The following CRTAC1 variants were observed in gnomAD, a reference collection of about 807,000 sequenced individuals.
CRTAC1 encodes the protein cartilage acidic protein 1.
In CRTAC1, 37 loss-of-function variants were observed where a neutral mutation model predicts 67.8. The ratio of observed to expected loss-of-function variants is 0.55; its 90% CI spans 0.42 to 0.72. CRTAC1 has a LOEUF of 0.72. Among genes scored for constraint, CRTAC1 ranks in the 30% least tolerant of loss-of-function variants. The probability of loss-of-function intolerance (pLI) is 0.00; values close to 1 mark genes in which losing one functional copy is unlikely to be tolerated. For missense variants in CRTAC1, 780 were observed against 931.6 expected (o/e 0.84, Z 2.12); for synonymous variants, 348 against 371.0 (o/e 0.94, Z 0.71).
At chr10:97,972,411 G>C (rs1291885881) in intron 2 of CRTAC1, among the ~76,000 whole-genome samples, 1 of 152,160 alleles carries the variant, frequency 6.6e-6, no homozygotes, top group Non-Finnish European at 1.5e-5. Context: ...AGGAAAGCAG[G>C]GAGCCCGGTC....
intron 2 of CRTAC1, among the ~76,000 whole-genome samples, chr10:97,994,139 G>A (rs1842512761): frequency 1.3e-5 from 2 of 152,162 alleles, no homozygotes; most frequent in Admixed American, 1.3e-4. Flanking sequence ...TTACAGGCAT[G>A]AGCCACCGCG....
rs1168396369 is a variant in CRTAC1 at position 97,996,366 on chromosome 10, T to C, written c.224+14772A>G. Among the ~76,000 whole-genome samples, 9 of 149,818 alleles carry C rather than the reference T, an allele frequency of 6.0e-5. No individual in the cohort carries two copies. The South Asian group carries it at 1.1e-3, about 18-fold the overall frequency. On this transcript the variant is annotated intron_variant, in intron 2 of 14. Coordinates refer to ENST00000370597, the MANE Select transcript of CRTAC1 (RefSeq NM_018058.7). Reference sequence around the variant, plus strand: ...AAGGGCTAATATCCAGAATCTACAATGAACTCAAACAAATTTACAAGAAAA... The same window carrying C: ...AAGGGCTAATATCCAGAATCTACAACGAACTCAAACAAATTTACAAGAAAA...
chr10:97,999,696 T>C (rs1021192990), intron 2 of CRTAC1, among the ~76,000 whole-genome samples: 1 of 152,150 alleles, frequency 6.6e-6, no homozygotes, highest in African/African-American at 2.4e-5. Flanking sequence ...GCCAGTACCA[T>C]GGACAGGAGT....
At chr10:97,908,283 G>A (rs764529784) in intron 5 of CRTAC1, 136 bp from the exon 6 acceptor site, 11 of 884,582 alleles carry the variant, frequency 1.2e-5, no homozygotes, top group African/African-American at 1.7e-5. Context: ...TCTGCTTCCC[G>A]TGCTTTCCTG....
At chr10:97,871,421 A>G (rs2050092257) in intron 14 of CRTAC1, 1 of 152,144 alleles carries the variant, frequency 6.6e-6, no homozygotes, top group African/African-American at 2.4e-5. Flanking sequence ...TGTTTCTCCA[A>G]TGTAAGATAT....
chr10:97,988,668 C>T (rs553432181), intron 2 of CRTAC1, among the ~76,000 whole-genome samples: 48 of 152,204 alleles, frequency 3.2e-4, no homozygotes, highest in African/African-American at 1.0e-3. Flanking sequence ...TGCGGTGAGC[C>T]GAGATCACAT....
At chr10:97,936,444 T>TCTG in intron 2 of CRTAC1, 78 bp from the exon 3 acceptor site, 1 of 1,241,532 alleles carries the variant, frequency 8.1e-7, no homozygotes, top group South Asian at 1.4e-5. Context: ...AGCAACGGGC[T>TCTG]GGGAGTCCTC....
chr10:97,937,067 G>A (rs1405622195), intron 2 of CRTAC1, among the ~76,000 whole-genome samples: 5 of 152,188 alleles, frequency 3.3e-5, no homozygotes, highest in Admixed American at 1.3e-4. Context: ...ACATGAACAC[G>A]TCTAAAGTTA....
At chr10:97,901,400 G>C in intron 8 of CRTAC1, 103 bp downstream of exon 8, 1 of 1,433,774 alleles carries the variant, frequency 7.0e-7, no homozygotes, top group Non-Finnish European at 9.6e-7. Context: ...CTGACCCCCT[G>C]GCCCTGGGAA....
intron 2 of CRTAC1, among the ~76,000 whole-genome samples, chr10:97,956,449 T>C (rs1321350915): frequency 6.6e-6 from 1 of 152,192 alleles, no homozygotes; most frequent in South Asian, 2.1e-4. Context: ...AATTATACTC[T>C]AGGGTCAGTG....
chr10:98,011,121 G>A lies in CRTAC1; in HGVS notation c.224+17C>T, dbSNP rs1842898118. The A allele has an allele frequency of 6.2e-7, 1 of 1,608,854 alleles. No homozygotes were observed. The highest frequency in any genetic ancestry group is 1.7e-5 in the Admixed American group (1 of 60,026). ...ATCTGATTAATATCTGTCACACTGA[G>A]GGTGGGAGGCACTTACCCCGCCACG... On this transcript the variant is annotated intron_variant, in intron 2 of 14. Transcript: ENST00000370597.
chr10:97,903,586 A>T (rs1284457366), intron 7 of CRTAC1, among the ~76,000 whole-genome samples: 1 of 152,000 alleles, frequency 6.6e-6, no homozygotes, highest in Non-Finnish European at 1.5e-5. Context: ...TTACACAGAC[A>T]TGAGGTCCCT....
At chr10:97,888,339 C>T (rs988144710) in intron 11 of CRTAC1, among the ~76,000 whole-genome samples, 5 of 151,986 alleles carry the variant, frequency 3.3e-5, no homozygotes, top group South Asian at 2.1e-4. Context: ...GTTTGTGAGG[C>T]GGAGAAGGGA....
Position 97,940,605 on chromosome 10 carries a change from G to A in CRTAC1, c.225-4239C>T, listed in dbSNP as rs934558770. On this transcript the variant is annotated intron_variant, in intron 2 of 14. Transcript: ENST00000370597. ...CATCCCATTTTGGTGCCAGTTCACT[G>A]GGACAGCACCACTGTGGGGAGGGCA... is the stretch of plus-strand genomic sequence containing the variant. 2.6e-5 allele frequency among the ~76,000 whole-genome samples: 4 copies of A among 152,242 alleles called. No homozygotes were observed. The East Asian group carries it at 7.7e-4, about 29-fold the overall frequency.
chr10:97,912,601 G>A (rs1381494041), intron 5 of CRTAC1, among the ~76,000 whole-genome samples: 1 of 152,200 alleles, frequency 6.6e-6, no homozygotes, highest in Non-Finnish European at 1.5e-5. Flanking sequence ...CTCAGGGACT[G>A]GGGGGTGAGA....
chr10:97,902,871 G>A (rs946787540), intron 7 of CRTAC1, among the ~76,000 whole-genome samples: 4 of 152,016 alleles, frequency 2.6e-5, no homozygotes, highest in African/African-American at 9.7e-5. Flanking sequence ...GAGTAATGAG[G>A]TTGAATAAGC....
chr10:97,989,590 G>A (rs1842397426), intron 2 of CRTAC1, among the ~76,000 whole-genome samples: 1 of 152,146 alleles, frequency 6.6e-6, no homozygotes, highest in Non-Finnish European at 1.5e-5. Flanking sequence ...ATTATCTTGT[G>A]GGACCACCAT....
At chr10:97,959,218 T>C (rs1172120845) in intron 2 of CRTAC1, among the ~76,000 whole-genome samples, 1 of 152,090 alleles carries the variant, frequency 6.6e-6, no homozygotes, top group Non-Finnish European at 1.5e-5. Flanking sequence ...CACACAAATC[T>C]GCATAGAATC....
chr10:98,028,247 T>A (rs1394622651), intron 1 of CRTAC1, among the ~76,000 whole-genome samples: 2 of 152,198 alleles, frequency 1.3e-5, no homozygotes, highest in Non-Finnish European at 2.9e-5. Context: ...GGATTCCAAG[T>A]ACGATGGTGG....
Sources: allele counts gnomAD v4.1 joint callset (sites outside exome capture counted in the v4.1 genomes callset), GRCh38; gene constraint gnomAD v4.1.1; transcripts MANE v1.5; gene names NCBI Gene and HGNC (gene_info 2026-07-23, HGNC 2026-07-21).